The following NPEPPS variants were observed in gnomAD, a reference collection of about 807,000 sequenced individuals.
The protein encoded by NPEPPS is puromycin-sensitive aminopeptidase.
NPEPPS carries 14 observed loss-of-function variants against 115.5 expected under a neutral mutation model. That is an observed-to-expected ratio of 0.12 (90% confidence interval 0.08 to 0.19). The LOEUF (loss-of-function observed/expected upper bound fraction) is 0.19, where lower values mean the gene tolerates loss of function less well. Among genes scored for constraint, NPEPPS ranks in the 10% least tolerant of loss-of-function variants. The pLI is 1.00. For synonymous variants in NPEPPS, 285 were observed against 390.6 expected (o/e 0.73, Z 3.19); for missense variants, 523 against 1,110.8 (o/e 0.47, Z 7.52).
At chr17:47,602,156 G>A (rs1913238783) in intron 15 of NPEPPS, among the ~76,000 whole-genome samples, 1 of 152,134 alleles carries the variant, frequency 6.6e-6, no homozygotes, top group Admixed American at 6.5e-5. Context: ...TCACTGAAAT[G>A]TAAAATTCCT....
intron 1 of NPEPPS, among the ~76,000 whole-genome samples, chr17:47,543,417 A>T (rs1176362994): frequency 6.6e-6 from 1 of 151,444 alleles, no homozygotes; most frequent in African/African-American, 2.4e-5. Flanking sequence ...GCCTGGGTTC[A>T]AGTGATTCTC....
intron 21 of NPEPPS, chr17:47,619,380 C>T (rs2143989516): frequency 1.8e-6 from 1 of 558,034 alleles, no homozygotes; most frequent in Non-Finnish European, 3.2e-6. Context: ...ATGGTGAAAT[C>T]CTGTCCCTAC....
In NPEPPS at chr17:47,590,581, C is replaced by T. The variant is rs535825101; in HGVS notation, c.1096-136C>T. ...CTTTTTCAGAAATGTGAGTTCTTTG[C>T]CAAATGTTTTGAACTGAATTTTAGG... is the stretch of plus-strand genomic sequence containing the variant. On this transcript the variant is annotated intron_variant, in intron 9 of 22. Coordinates refer to ENST00000322157, the MANE Select transcript of NPEPPS (RefSeq NM_006310.4). The T allele has an allele frequency of 2.5e-6, 3 of 1,177,478 alleles. No homozygotes were observed. In the East Asian group the frequency reaches 7.9e-5, roughly 31 times the overall value. The allele number at this position is 1,177,478 out of a possible 1,614,324, so 72.9% of individuals were successfully genotyped here. A position where few individuals can be genotyped will look rare whatever the true frequency, so the allele number is the denominator to read the frequency against.
intron 2 of NPEPPS, chr17:47,548,163 T>A (rs2143721777): frequency 6.6e-6 from 1 of 152,322 alleles, no homozygotes; most frequent in South Asian, 2.1e-4. Context: ...CATTTATGAT[T>A]TTTTCTTAAA....
At chr17:47,615,851 T>C (rs779992575) in intron 19 of NPEPPS, among the ~76,000 whole-genome samples, 2 of 152,200 alleles carry the variant, frequency 1.3e-5, no homozygotes, top group Admixed American at 6.5e-5. Context: ...GATAATCAGC[T>C]TCACTATGGA....
In NPEPPS at chr17:47,621,997, A is replaced by G; in HGVS notation, c.*77A>G. 7.0e-7 allele frequency: 1 copy of G among 1,430,044 alleles called. No homozygotes were observed. Among genetic ancestry groups the G allele is most frequent in the South Asian group, 1.5e-5 (1 of 65,614 alleles). 88.6% of individuals were successfully genotyped at this position (1,430,044 alleles called of 1,614,324 possible). On this transcript the variant is annotated 3_prime_UTR_variant, in exon 23 of 23. Coordinates refer to ENST00000322157, the MANE Select transcript of NPEPPS (RefSeq NM_006310.4). ...TGGAGCTACCGAACAGCTGATTCAT[A>G]TGCCAAGAATTTGGAGTCTTCTTTC...
intron 3 of NPEPPS, among the ~76,000 whole-genome samples, chr17:47,575,895 A>G (rs1911492999): frequency 1.3e-5 from 2 of 152,072 alleles, no homozygotes; most frequent in Admixed American, 6.6e-5. Flanking sequence ...GGTGTGAGCC[A>G]CCACGCCCCA....
At chr17:47,604,150 A>T in intron 16 of NPEPPS, 101 bp downstream of exon 16, 1 of 1,137,804 alleles carries the variant, frequency 8.8e-7, no homozygotes, top group South Asian at 1.8e-5. Context: ...ATGGGTCTTC[A>T]TGATGGTTAA....
chr17:47,545,960 A>G lies in NPEPPS; in HGVS notation c.307A>G (p.Ile103Val), dbSNP rs1285989519. The change falls in exon 2 of 23, where the codon ATT becomes GTT. Residue 103 changes from isoleucine to valine, a missense_variant. Transcript: ENST00000322157. ...IVMNCADIDI[I>V]TASYAPEGDE... is the part of the protein sequence containing the mutation. ...GATGAATTGTGCTGATATTGATATT[A>G]TTACAGCTTCATATGCACCAGAAGG... 6 of 1,558,560 alleles carry G rather than the reference A, an allele frequency of 3.8e-6. No homozygotes were observed. The African/African-American group carries it at 6.8e-5, about 18-fold the overall frequency.
chr17:47,605,869 T>C (rs1272312222), intron 17 of NPEPPS, among the ~76,000 whole-genome samples: 1 of 152,124 alleles, frequency 6.6e-6, no homozygotes, highest in Non-Finnish European at 1.5e-5. Flanking sequence ...TTGTTTTATT[T>C]ATTTATTTAT....
chr17:47,592,925 C>T (rs1018713573), intron 12 of NPEPPS, among the ~76,000 whole-genome samples: 2 of 152,052 alleles, frequency 1.3e-5, no homozygotes, highest in Non-Finnish European at 2.9e-5. Flanking sequence ...CCATGACAGG[C>T]CCTGGTGTGT....
intron 2 of NPEPPS, among the ~76,000 whole-genome samples, chr17:47,550,422 CTT>C (rs796500865): frequency 5.3e-5 from 7 of 131,870 alleles, no homozygotes; most frequent in Admixed American, 1.6e-4. Context: ...GTAGAACTTA[CTT>C]TTTTTTTTTT....
At chr17:47,608,446 TC>T (rs566751814) in intron 17 of NPEPPS, among the ~76,000 whole-genome samples, 172 of 110,604 alleles carry the variant, frequency 1.6e-3, no homozygotes, top group African/African-American at 5.8e-3. Context: ...AGAGCGGGAC[TC>T]CGTCTCAAAA....
chr17:47,550,123 C>T (rs1436199473), intron 2 of NPEPPS, among the ~76,000 whole-genome samples: 5 of 151,582 alleles, frequency 3.3e-5, no homozygotes, highest in East Asian at 2.0e-4. Flanking sequence ...TTAGTAGAGA[C>T]GAGGTTTTAC....
intron 6 of NPEPPS, chr17:47,585,932 T>C (rs933099216): frequency 1.6e-5 from 9 of 565,252 alleles, no homozygotes. Flanking sequence ...TTGGAAAATA[T>C]GTAGTTATAT....
At chr17:47,613,148 G>A (rs1913980855) in intron 18 of NPEPPS, among the ~76,000 whole-genome samples, 1 of 151,880 alleles carries the variant, frequency 6.6e-6, no homozygotes, top group Admixed American at 6.6e-5. Context: ...ACATTCCCCT[G>A]AAAGCTGCTG....
intron 2 of NPEPPS, among the ~76,000 whole-genome samples, chr17:47,560,213 CT>C (rs1295548875): frequency 6.6e-6 from 1 of 151,246 alleles, no homozygotes; most frequent in Non-Finnish European, 1.5e-5. Flanking sequence ...AAATAAAGTC[CT>C]TTAAAAAAAA....
chr17:47,558,891 G>A (rs1457692602), intron 2 of NPEPPS, among the ~76,000 whole-genome samples: 15 of 152,028 alleles, frequency 9.9e-5, no homozygotes, highest in South Asian at 2.1e-4. Context: ...AAAATTAGCC[G>A]GGCATGGTGG....
chr17:47,585,413 C>T, intron 5 of NPEPPS, 87 bp from the exon 6 acceptor site: 1 of 844,498 alleles, frequency 1.2e-6, no homozygotes, highest in Non-Finnish European at 1.9e-6. Context: ...TAAAGAGATG[C>T]AATAAAGCCT....
Sources: allele counts gnomAD v4.1 joint callset (sites outside exome capture counted in the v4.1 genomes callset), GRCh38; gene constraint gnomAD v4.1.1; transcripts MANE v1.5; gene names NCBI Gene and HGNC (gene_info 2026-07-23, HGNC 2026-07-21).